The following SYNRG variants were observed in gnomAD, a reference collection of about 807,000 sequenced individuals.
SYNRG encodes synergin gamma.
A neutral mutation model predicts 130.9 loss-of-function variants in SYNRG; 37 were observed. The observed-to-expected ratio is 0.28, with a 90% CI of 0.22 to 0.37. The LOEUF (loss-of-function observed/expected upper bound fraction) is 0.37. SYNRG is among the 10% of genes least tolerant of loss of function. The pLI, the probability that SYNRG is intolerant of heterozygous loss-of-function variation, is 1.00. For missense variants in SYNRG, 1,338 were observed against 1,588.9 expected (o/e 0.84, Z 2.68); for synonymous variants, 539 against 568.1 (o/e 0.95, Z 0.73).
rs777884745 is a variant in SYNRG, at chr17:37,553,528, A to C, written c.2195T>G (p.Val732Gly). 2 of 1,614,172 alleles carry C rather than the reference A, an allele frequency of 1.2e-6. No homozygotes were observed. The highest frequency in any genetic ancestry group is 1.7e-6 in the Non-Finnish European group (2 of 1,180,030). Residue 732 changes from valine to glycine, a missense_variant, in exon 14 of 22, where the codon GTG becomes GGG. Physicochemically the swap from Val to Gly is moderately radical, Grantham distance 109 (BLOSUM62 -3). Around this residue, in one of 3 missense-constraint regions of SYNRG, gnomAD observed 1,146 missense variants for 1,342.3 expected, o/e 0.85. Transcript: ENST00000612223. ...AGCAGTCGAGTTTTGTCCACCCTTC[A>C]CTGTGCTGCCCACGTTGCTGGTTAG... ...VPLTSNVGSTVKGGQNSTAAS... is the reference protein window; with the variant it reads ...VPLTSNVGSTGKGGQNSTAAS...
intron 21 of SYNRG, among the ~76,000 whole-genome samples, chr17:37,519,519 G>A (rs1314829917): frequency 6.6e-6 from 1 of 151,942 alleles, no homozygotes; most frequent in African/African-American, 2.4e-5. Flanking sequence ...AAGAGAGTTA[G>A]AGAACGAGAG....
intron 7 of SYNRG, among the ~76,000 whole-genome samples, chr17:37,576,674 T>G (rs1354392235): frequency 2.0e-5 from 3 of 152,208 alleles, no homozygotes; most frequent in Non-Finnish European, 2.9e-5. Context: ...CTCTAAATCA[T>G]ATAAGCCTTG....
At chr17:37,599,700 C>T (rs955638292) in intron 2 of SYNRG, among the ~76,000 whole-genome samples, 20 of 151,946 alleles carry the variant, frequency 1.3e-4, no homozygotes, top group Non-Finnish European at 2.9e-5. Flanking sequence ...CCAGCCTGGA[C>T]GACAGAGCAA....
intron 3 of SYNRG, among the ~76,000 whole-genome samples, chr17:37,593,035 T>C (rs760919507): frequency 6.6e-6 from 1 of 152,184 alleles, no homozygotes; most frequent in African/African-American, 2.4e-5. Context: ...TAAAATGTAT[T>C]GTACATCATG....
At chr17:37,606,026 C>T in intron 1 of SYNRG, 1 of 984,792 alleles carries the variant, frequency 1.0e-6, no homozygotes, top group African/African-American at 1.7e-5. Flanking sequence ...ATTAAATGGT[C>T]CTTTAGCAAG....
chr17:37,565,064 G>T (rs2059821548), intron 11 of SYNRG, among the ~76,000 whole-genome samples: 1 of 152,190 alleles, frequency 6.6e-6, no homozygotes, highest in Non-Finnish European at 1.5e-5. Flanking sequence ...AGGAGTTCAA[G>T]ACCAGCCTGG....
intron 11 of SYNRG, among the ~76,000 whole-genome samples, chr17:37,565,025 AG>A (rs1371853294): frequency 2.0e-5 from 3 of 152,188 alleles, no homozygotes; most frequent in Non-Finnish European, 4.4e-5. Context: ...GCACTTTGGG[AG>A]GCCGAGGCAG....
rs904040722 is a variant in SYNRG at position 37,517,764 on chromosome 17, A to G, written c.*1176T>C. Reference sequence around the variant, plus strand: ...CTCTTCATAAAGCGCATAATCAACAATTCAGAGAGACGTGTGCCCTAGATT... The same window carrying G: ...CTCTTCATAAAGCGCATAATCAACAGTTCAGAGAGACGTGTGCCCTAGATT... On this transcript the variant is annotated 3_prime_UTR_variant, in exon 22 of 22. Transcript: ENST00000612223. The G allele has an allele frequency of 3.3e-5, 5 of 152,160 alleles. No homozygotes were observed. Among genetic ancestry groups the G allele is most frequent in the Admixed American group, 2.0e-4 (3 of 15,260 alleles). The allele number at this position is 152,160 out of a possible 1,614,324, so 9.4% of individuals were successfully genotyped here. A position where few individuals can be genotyped will look rare whatever the true frequency, so the allele number is the denominator to read the frequency against.
In SYNRG at chr17:37,553,115, CT is replaced by C; in HGVS notation, c.2607del (p.Asp870IlefsTer2). ...PTVSGQHPPA[A>X]DIEDLKYAAF... is the part of the protein sequence containing the mutation. Reference sequence around the variant, plus strand: ...CAGAGCAATCTCACCAATTCCTCACCTGCAGCAGGAGGATGCTGGCCACTAA... The same window carrying C: ...CAGAGCAATCTCACCAATTCCTCACCGCAGCAGGAGGATGCTGGCCACTAA... On this transcript the variant is annotated frameshift_variant and splice_region_variant, in exon 14 of 22. Transcript: ENST00000612223. LOFTEE classifies it high-confidence loss of function. 1 of 1,609,202 alleles carries C rather than the reference CT, an allele frequency of 6.2e-7. No individual in the cohort carries two copies. The highest frequency in any genetic ancestry group is 8.5e-7 in the Non-Finnish European group (1 of 1,178,788).
At chr17:37,568,507 A>G (rs887401639) in intron 11 of SYNRG, 1 of 264,098 alleles carries the variant, frequency 3.8e-6, no homozygotes, top group Non-Finnish European at 7.1e-6. Flanking sequence ...ACACGAAGTC[A>G]TCACTGCACA....
chr17:37,585,243 G>A, intron 5 of SYNRG, 82 bp downstream of exon 5: 3 of 1,137,534 alleles, frequency 2.6e-6, no homozygotes, highest in South Asian at 1.4e-5. Flanking sequence ...TGGTGCCCCA[G>A]TGACGAAATC....
At chr17:37,569,674 A>G (rs2060268491) in intron 10 of SYNRG, among the ~76,000 whole-genome samples, 1 of 151,326 alleles carries the variant, frequency 6.6e-6, no homozygotes, top group Non-Finnish European at 1.5e-5. Flanking sequence ...AAAAAACTAA[A>G]AAGGAAAGGT....
At chr17:37,540,681 C>T in intron 15 of SYNRG, 138 bp from the exon 16 acceptor site, 4 of 972,768 alleles carry the variant, frequency 4.1e-6, no homozygotes, top group Non-Finnish European at 5.8e-6. Context: ...GTCGCTCAGA[C>T]TGGAGTACGG....
intron 19 of SYNRG, among the ~76,000 whole-genome samples, chr17:37,522,157 A>ACACACAC (rs1568245884): frequency 1.3e-5 from 2 of 151,168 alleles, no homozygotes; most frequent in Non-Finnish European, 2.9e-5. Context: ...ACACACACAC[A>ACACACAC]ATGGTTAAAA....
chr17:37,573,351 C>T (rs1237896739), intron 8 of SYNRG, among the ~76,000 whole-genome samples: 2 of 152,026 alleles, frequency 1.3e-5, no homozygotes, highest in South Asian at 2.1e-4. Flanking sequence ...TGCAGTGAGC[C>T]GAGATTGCGC....
Position 37,516,634 on chromosome 17 carries a change from T to C in SYNRG, c.*2306A>G, listed in dbSNP as rs2054443585. On this transcript the variant is annotated 3_prime_UTR_variant, in exon 22 of 22. Transcript: ENST00000612223. ...CTATATAGCATTTCAAAAAAATGCT[T>C]CAGCAATACAAATTCAAACTGGGAA... The C allele has an allele frequency of 6.6e-6, 1 of 151,936 alleles. No individual in the cohort carries two copies. Among genetic ancestry groups the C allele is most frequent in the African/African-American group, 2.4e-5 (1 of 41,380 alleles). The allele number at this position is 151,936 out of a possible 1,614,324, so 9.4% of individuals were successfully genotyped here. A position where few individuals can be genotyped will look rare whatever the true frequency, so the allele number is the denominator to read the frequency against.
Position 37,553,885 on chromosome 17 carries a change from T to C in SYNRG, c.1838A>G (p.Asn613Ser), listed in dbSNP as rs1684548312. 3 of 1,607,574 alleles carry C rather than the reference T, an allele frequency of 1.9e-6. No homozygotes were observed. The highest frequency in any genetic ancestry group is 2.5e-6 in the Non-Finnish European group (3 of 1,178,646). Reference protein sequence around the residue: ...KQQTQVKNPLNLADLDMFSSV... With the variant: ...KQQTQVKNPLSLADLDMFSSV... ...GGAAAACATATCTAGGTCTGCTAAG[T>C]TCAGAGGGTTTTTCACTTGTGTTTG... Residue 613 changes from asparagine to serine, a missense_variant, in exon 14 of 22, where the codon AAC becomes AGC. Asn to Ser is a conservative substitution (Grantham distance 46). Transcript: ENST00000612223.
At chr17:37,571,629 ATT>A (rs2060440819) in intron 9 of SYNRG, among the ~76,000 whole-genome samples, 160 bp downstream of exon 9, 1 of 152,182 alleles carries the variant, frequency 6.6e-6, no homozygotes, top group African/African-American at 2.4e-5. Flanking sequence ...ATAACTTGCT[ATT>A]ATGCACATCT....
Position 37,518,822 on chromosome 17 carries a change from G to A in SYNRG, c.*118C>T. 1.4e-6 allele frequency: 2 copies of A among 1,444,662 alleles called. No individual in the cohort carries two copies. Among genetic ancestry groups the A allele is most frequent in the Non-Finnish European group, 1.9e-6 (2 of 1,075,194 alleles). The allele number at this position is 1,444,662 out of a possible 1,614,324, so 89.5% of individuals were successfully genotyped here. A position where few individuals can be genotyped will look rare whatever the true frequency, so the allele number is the denominator to read the frequency against. ...TGACGGGGGCCCCGTCCCTTGCGGT[G>A]TTCTTCATATCGATTCAGGGAAGCG... On this transcript the variant is annotated 3_prime_UTR_variant, in exon 22 of 22. Coordinates refer to ENST00000612223, the MANE Select transcript of SYNRG (RefSeq NM_007247.6).
Sources: gnomAD v4.1 joint callset for allele counts (sites outside exome capture counted in the v4.1 genomes callset) on GRCh38, gnomAD v4.1.1 for gene constraint, gnomAD v4.1.1 regional missense constraint, MANE v1.5 for transcripts, NCBI Gene and HGNC (gene_info 2026-07-23, HGNC 2026-07-21) for gene names.